Variants in CFAP43 observed in about 807,000 individuals in gnomAD.
The protein encoded by CFAP43 is cilia- and flagella-associated protein 43.
In CFAP43, 155 loss-of-function variants were observed where a neutral mutation model predicts 218.9. The observed-to-expected ratio is 0.71, with a 90% confidence interval of 0.62 to 0.81. The LOEUF (loss-of-function observed/expected upper bound fraction) is 0.81, where lower values mean the gene tolerates loss of function less well. Ranked by LOEUF, CFAP43 falls within the 30% of genes least tolerant of loss-of-function variation. The probability of loss-of-function intolerance (pLI) is 0.00; values close to 1 mark genes in which losing one functional copy is unlikely to be tolerated. For synonymous variants in CFAP43, 645 were observed against 681.3 expected (o/e 0.95, Z 0.83); for missense variants, 1,778 against 1,954.3 (o/e 0.91, Z 1.70).
chr10:104,151,841 T>TG (rs2088275166), intron 28 of CFAP43, among the ~76,000 whole-genome samples: 1 of 152,208 alleles, frequency 6.6e-6, no homozygotes, highest in African/African-American at 2.4e-5. Context: ...TTGCATAGGT[T>TG]GTCTCCCAGG....
intron 19 of CFAP43, among the ~76,000 whole-genome samples, chr10:104,178,035 T>C (rs1320556493): frequency 6.6e-6 from 1 of 152,138 alleles, no homozygotes; most frequent in Admixed American, 6.5e-5. Flanking sequence ...GAAGCACAGA[T>C]TTTATAAAGG....
intron 8 of CFAP43, among the ~76,000 whole-genome samples, chr10:104,199,152 T>C (rs1392266809): frequency 6.6e-6 from 1 of 152,176 alleles, no homozygotes; most frequent in Non-Finnish European, 1.5e-5. Context: ...AGTTGAGGTA[T>C]GGCTGAAGCT....
intron 1 of CFAP43, 29 bp from the exon 2 acceptor site, chr10:104,230,872 A>G (rs1373956559): frequency 7.1e-6 from 11 of 1,554,106 alleles, no homozygotes; most frequent in South Asian, 2.5e-5. Context: ...CAACATCAAT[A>G]TAATACATTT....
At chr10:104,161,188 T>A (rs533293115) in intron 26 of CFAP43, 26 bp from the exon 27 acceptor site, 10 of 1,608,096 alleles carry the variant, frequency 6.2e-6, no homozygotes, top group Non-Finnish European at 7.6e-6. Context: ...AAAGCATATA[T>A]TTCAGCTCAA....
At chr10:104,195,893 G>C (rs1240729007) in intron 10 of CFAP43, among the ~76,000 whole-genome samples, 3 of 152,164 alleles carry the variant, frequency 2.0e-5, no homozygotes, top group Non-Finnish European at 4.4e-5. Flanking sequence ...CCTATCTTCA[G>C]GGATGAGTGG....
At chr10:104,204,120 A>T (rs2090612937) in intron 7 of CFAP43, among the ~76,000 whole-genome samples, 1 of 152,180 alleles carries the variant, frequency 6.6e-6, no homozygotes, top group Non-Finnish European at 1.5e-5. Context: ...GGAAAAATGA[A>T]GTAGAGTTTG....
intron 10 of CFAP43, among the ~76,000 whole-genome samples, chr10:104,194,411 T>A (rs1480356983): frequency 6.6e-6 from 1 of 152,200 alleles, no homozygotes. Context: ...TAAACATTTT[T>A]AAATTTTTAT....
At chr10:104,203,913 T>A (rs2090606250) in intron 7 of CFAP43, 110 bp from the exon 8 acceptor site, 2 of 982,474 alleles carry the variant, frequency 2.0e-6, no homozygotes, top group Non-Finnish European at 2.8e-6. Context: ...TTATTTGGAA[T>A]CATCATCTAT....
At chr10:104,176,693 G>A (rs1477757018) in intron 19 of CFAP43, among the ~76,000 whole-genome samples, 1 of 152,106 alleles carries the variant, frequency 6.6e-6, no homozygotes, top group Non-Finnish European at 1.5e-5. Flanking sequence ...ATGAGATCAA[G>A]CAAGGCAATC....
chr10:104,223,883 T>C (rs1049561385), intron 3 of CFAP43, among the ~76,000 whole-genome samples: 1 of 152,096 alleles, frequency 6.6e-6, no homozygotes, highest in African/African-American at 2.4e-5. Flanking sequence ...TCAAAATAAT[T>C]ATGTTGCATG....
rs762906265 is a variant in CFAP43 at position 104,214,283 on chromosome 10, T to C, written c.560A>G (p.Asn187Ser). ...CCTTGCTCTGAAACAATGCTCCTGG[T>C]TACTTCTTTCAATGGTCCACACGCT... ...TVSVWTIERSNQEHCFRARSV... is the reference protein window; with the variant it reads ...TVSVWTIERSSQEHCFRARSV... Residue 187 changes from asparagine to serine, a missense_variant, in exon 4 of 38, where the codon AAC becomes AGC. Physicochemically the swap from Asn to Ser is conservative, Grantham distance 46 (BLOSUM62 1). This residue lies in a region of CFAP43 where 1,553 missense variants were observed against 1,685.2 expected (regional missense o/e 0.92). Coordinates refer to ENST00000357060, the MANE Select transcript of CFAP43 (RefSeq NM_025145.7). The C allele has an allele frequency of 6.3e-7, 1 of 1,597,358 alleles. No individual in the cohort carries two copies. The highest frequency in any genetic ancestry group is 1.3e-5 in the African/African-American group (1 of 74,496).
intron 36 of CFAP43, 95 bp downstream of exon 36, chr10:104,132,021 T>C: frequency 1.1e-6 from 1 of 926,648 alleles, no homozygotes; most frequent in Non-Finnish European, 1.5e-6. Flanking sequence ...AAGATTTTAT[T>C]AGGGTCTAGG....
chr10:104,186,899 A>G (rs1041585065), intron 14 of CFAP43, among the ~76,000 whole-genome samples: 2 of 152,178 alleles, frequency 1.3e-5, no homozygotes, highest in Non-Finnish European at 2.9e-5. Flanking sequence ...AGAAGTCTGA[A>G]GAGAGTGTAA....
At chr10:104,195,574 C>T (rs1005379565) in intron 10 of CFAP43, among the ~76,000 whole-genome samples, 6 of 152,026 alleles carry the variant, frequency 3.9e-5, no homozygotes, top group Non-Finnish European at 5.9e-5. Flanking sequence ...AAATATGATG[C>T]TTAGTCTTTT....
chr10:104,157,364 A>G (rs2088603396), intron 27 of CFAP43, among the ~76,000 whole-genome samples: 2 of 152,262 alleles, frequency 1.3e-5, no homozygotes, highest in Admixed American at 1.3e-4. Context: ...AATGTTTTAC[A>G]TATGGTTGCT....
intron 5 of CFAP43, among the ~76,000 whole-genome samples, chr10:104,210,732 C>T (rs2090830625): frequency 6.7e-6 from 1 of 149,048 alleles, no homozygotes; most frequent in Non-Finnish European, 1.5e-5. Flanking sequence ...ATACCAAGTT[C>T]TCTTTTTCCC....
chr10:104,183,384 T>A (rs988708815), intron 16 of CFAP43, among the ~76,000 whole-genome samples: 1 of 46,246 alleles, frequency 2.2e-5, no homozygotes, highest in Non-Finnish European at 4.3e-5. Context: ...TAGACCATCG[T>A]TTTTTTTTTT....
At chr10:104,189,843 AAAAC>A (rs1447217788) in intron 12 of CFAP43, among the ~76,000 whole-genome samples, 1 of 151,916 alleles carries the variant, frequency 6.6e-6, no homozygotes, top group Non-Finnish European at 1.5e-5. Context: ...TCTCTACTAA[AAAAC>A]AAAACAAAAC....
rs1373346531 is a variant in CFAP43, at chr10:104,186,250, A to T, written c.1861-127T>A. The T allele has an allele frequency of 5.5e-6, 4 of 728,992 alleles. No homozygotes were observed. In the East Asian group the frequency reaches 1.2e-4, roughly 23 times the overall value. The allele number at this position is 728,992 out of a possible 1,614,324, so 45.2% of individuals were successfully genotyped here. ...AAATGATATGGCATAAAGTGCAAAC[A>T]TTGTCATTGTAAATAAATGGATATA... On this transcript the variant is annotated intron_variant, in intron 14 of 37. Coordinates refer to ENST00000357060, the MANE Select transcript of CFAP43 (RefSeq NM_025145.7).
Sources: gnomAD v4.1 joint callset for allele counts (sites outside exome capture counted in the v4.1 genomes callset) on GRCh38, gnomAD v4.1.1 for gene constraint, gnomAD v4.1.1 regional missense constraint, MANE v1.5 for transcripts, NCBI Gene and HGNC (gene_info 2026-07-23, HGNC 2026-07-21) for gene names.